Variants in PTH2R observed in about 807,000 individuals in gnomAD.
PTH2R encodes PTH2 receptor.
PTH2R carries 59 observed loss-of-function variants against 60.3 expected under a neutral mutation model. The ratio of observed to expected loss-of-function variants is 0.98; its 90% confidence interval spans 0.79 to 1.22. PTH2R has a LOEUF of 1.22. PTH2R is among the 50% of genes most tolerant of loss of function. The probability of loss-of-function intolerance (pLI) is 0.00; values close to 1 mark genes in which losing one functional copy is unlikely to be tolerated. For missense variants in PTH2R, 749 were observed against 682.6 expected, an observed-to-expected ratio of 1.10 and a Z score of -1.08; for synonymous variants, 256 against 243.8, an observed-to-expected ratio of 1.05 and a Z score of -0.47.
At chr2:208,462,762 C>T (rs1197495623) in intron 9 of PTH2R, among the ~76,000 whole-genome samples, 1 of 152,152 alleles carries the variant, frequency 6.6e-6, no homozygotes, top group African/African-American at 2.4e-5. Flanking sequence ...GAAATTTATT[C>T]ATCACAGGTT....
intron 1 of PTH2R, among the ~76,000 whole-genome samples, chr2:208,379,751 T>G (rs539344404): frequency 6.6e-6 from 1 of 151,756 alleles, no homozygotes; most frequent in Admixed American, 6.6e-5. Context: ...TCCCAGCTAC[T>G]TGGGAGGCTG....
At chr2:208,379,251 AG>A (rs1342701567) in intron 1 of PTH2R, among the ~76,000 whole-genome samples, 2 of 152,130 alleles carry the variant, frequency 1.3e-5, no homozygotes, top group Non-Finnish European at 2.9e-5. Context: ...TAAAGTTAGC[AG>A]GTAATGTTCT....
In PTH2R at chr2:208,473,976, T is replaced by G. The variant is rs144560412; in HGVS notation, c.982-7094T>G. On this transcript the variant is annotated intron_variant, in intron 9 of 12. Coordinates refer to ENST00000272847, the MANE Select transcript of PTH2R (RefSeq NM_005048.4). ...TGTTGAGTCTTACTAACTTTACTAG[T>G]CTACAAGCAGTCAAACTCATATCCA... 9.2e-5 allele frequency among the ~76,000 whole-genome samples: 14 copies of G among 152,214 alleles called. No homozygotes were observed. The East Asian group carries it at 2.1e-3, about 23-fold the overall frequency.
At chr2:208,388,396 T>C (rs1458114415) in intron 1 of PTH2R, among the ~76,000 whole-genome samples, 1 of 152,128 alleles carries the variant, frequency 6.6e-6, no homozygotes, top group Non-Finnish European at 1.5e-5. Context: ...ATTACACAGA[T>C]ACTTCCAAAA....
rs1055639925 is a variant in PTH2R, at chr2:208,494,149, T to C, written c.*490T>C. 1 of 152,356 alleles carries C rather than the reference T, an allele frequency of 6.6e-6. No individual in the cohort carries two copies. Among genetic ancestry groups the C allele is most frequent in the Non-Finnish European group, 1.5e-5 (1 of 68,134 alleles). The allele number at this position is 152,356 out of a possible 1,614,324, so 9.4% of individuals were successfully genotyped here. On this transcript the variant is annotated 3_prime_UTR_variant, in exon 13 of 13. Coordinates refer to ENST00000272847, the MANE Select transcript of PTH2R (RefSeq NM_005048.4). ...AAAATATATGGGAAGATAAAAGATC[T>C]AAGAACAAGTACTTGCTGGAAAATT...
chr2:208,481,123 G>A lies in PTH2R; in HGVS notation c.1035G>A (p.Trp345Ter), dbSNP rs776441349. 14 of 1,612,052 alleles carry A rather than the reference G, an allele frequency of 8.7e-6. No homozygotes were observed. Among genetic ancestry groups the A allele is most frequent in the African/African-American group, 2.7e-5 (2 of 74,810 alleles). ...NTVRVLATKI[W>*]ETNAVGHDTR... ...TTAGAGTTCTAGCTACCAAAATCTG[G>A]GAGACCAATGCAGTTGGGCATGACA... The change falls in exon 10 of 13, where the codon TGG (tryptophan) becomes TGA (stop). Residue 345 changes from tryptophan to a stop codon, truncating the protein, a stop_gained. Transcript: ENST00000272847. LOFTEE classifies it high-confidence loss of function.
chr2:208,389,227 TACACACACACACACACACACACACAC>T (rs71041306), intron 1 of PTH2R, among the ~76,000 whole-genome samples: 23 of 142,550 alleles, frequency 1.6e-4, no homozygotes, highest in Non-Finnish European at 2.9e-4. Context: ...AGGAAATGCA[TACACACACACACACACACACACACAC>T]ACACACACAC....
At chr2:208,421,889 A>G (rs1701764323) in intron 1 of PTH2R, among the ~76,000 whole-genome samples, 1 of 152,240 alleles carries the variant, frequency 6.6e-6, no homozygotes, top group Admixed American at 6.5e-5. Flanking sequence ...GTTTTCTCTC[A>G]GACTACGGAA....
chr2:208,379,329 C>T (rs989516996), intron 1 of PTH2R, among the ~76,000 whole-genome samples: 2 of 151,996 alleles, frequency 1.3e-5, no homozygotes, highest in East Asian at 3.9e-4. Flanking sequence ...CAGAATTGAG[C>T]GTCAGAGTGT....
Position 208,377,591 on chromosome 2 carries a change from GC to G in PTH2R, c.-259+17355del, listed in dbSNP as rs1229260732. On this transcript the variant is annotated intron_variant, in intron 1 of 12. Coordinates refer to the PTH2R transcript ENST00000617735. ...GGACGGGGCGGCTGGCCGGGCGGGG[GC>G]TGACCCCCCACCTGCCTCCGGGACA... 4.0e-5 allele frequency among the ~76,000 whole-genome samples: 6 copies of G among 151,088 alleles called. 1 individual carries two copies. The highest frequency in any genetic ancestry group is 1.5e-4 in the African/African-American group (6 of 40,826).
At position 208,493,596 on chromosome 2, in the gene PTH2R, C is replaced by T; in HGVS notation, c.1590C>T (p.Ser530=). 6.2e-7 allele frequency: 1 copy of T among 1,607,222 alleles called. No individual in the cohort carries two copies. The highest frequency in any genetic ancestry group is 8.5e-7 in the Non-Finnish European group (1 of 1,176,234). The change falls in exon 13 of 13, where the codon TCC becomes TCT. Residue 530 remains serine (S), a synonymous_variant. Transcript: ENST00000272847. ...QGDDILMEKP[S]RPMESNPDTE... ...ATGATATTCTAATGGAGAAGCCTTC[C>T]AGGCCTATGGAATCTAACCCAGACA...
chr2:208,490,695 A>G lies in PTH2R; in HGVS notation c.1257+15A>G, dbSNP rs1267019984. Reference sequence around the variant, plus strand: ...GCAATGGAGAGGTAGGTTTGTAGGAACCTTGGACAGGTCTCGCTTCAGCTT... The same window carrying G: ...GCAATGGAGAGGTAGGTTTGTAGGAGCCTTGGACAGGTCTCGCTTCAGCTT... On this transcript the variant is annotated intron_variant, in intron 12 of 12. Transcript: ENST00000272847. 13 of 1,602,752 alleles carry G rather than the reference A, an allele frequency of 8.1e-6. No homozygotes were observed. The highest frequency in any genetic ancestry group is 1.3e-5 in the African/African-American group (1 of 74,452).
chr2:208,471,865 A>C, intron 9 of PTH2R, among the ~76,000 whole-genome samples: 1 of 152,244 alleles, frequency 6.6e-6, no homozygotes, highest in Non-Finnish European at 1.5e-5. Context: ...ATACCCTGCA[A>C]AGCCAAAAGG....
chr2:208,428,691 A>G (rs368292379), intron 2 of PTH2R, among the ~76,000 whole-genome samples: 1 of 152,192 alleles, frequency 6.6e-6, no homozygotes, highest in African/African-American at 2.4e-5. Context: ...GCAGTTCAAA[A>G]TCTACTTCAT....
rs79819066 is a variant in PTH2R at position 208,413,014 on chromosome 2, T to C, written c.75+5896T>C. 3.4e-3 allele frequency among the ~76,000 whole-genome samples: 511 copies of C among 152,218 alleles called. 3 individuals carry two copies. Among genetic ancestry groups the C allele is most frequent in the African/African-American group, 0.012 (495 of 41,542 alleles). On this transcript the variant is annotated intron_variant, in intron 1 of 12. Coordinates refer to ENST00000272847, the MANE Select transcript of PTH2R (RefSeq NM_005048.4). ...TCATTCTCTTTCTCTCTCACTACTG[T>C]CCCATCTCCTCTCAATCCCACTCAG...
chr2:208,409,610 G>A (rs536915586), intron 1 of PTH2R, among the ~76,000 whole-genome samples: 2 of 152,228 alleles, frequency 1.3e-5, no homozygotes, highest in South Asian at 2.1e-4. Flanking sequence ...ATGAGCTTGT[G>A]TAGAGTAAAT....
intron 1 of PTH2R, among the ~76,000 whole-genome samples, chr2:208,399,622 C>G (rs1701271401): frequency 6.6e-6 from 1 of 152,094 alleles, no homozygotes; most frequent in Admixed American, 6.5e-5. Flanking sequence ...GAATTAAGTG[C>G]ATCTGTGTGA....
At chr2:208,467,712 C>G (rs146067521) in intron 9 of PTH2R, among the ~76,000 whole-genome samples, 1 of 151,962 alleles carries the variant, frequency 6.6e-6, no homozygotes, top group Non-Finnish European at 1.5e-5. Context: ...AGAAGTTAAG[C>G]TTCTATCCTA....
At chr2:208,390,337 A>C (rs1372137261) in intron 1 of PTH2R, among the ~76,000 whole-genome samples, 1 of 152,170 alleles carries the variant, frequency 6.6e-6, no homozygotes, top group Admixed American at 6.6e-5. Context: ...CACCCAGTTG[A>C]AAGTGCTCCC....
Sources: allele counts gnomAD v4.1 joint callset (sites outside exome capture counted in the v4.1 genomes callset), GRCh38; gene constraint gnomAD v4.1.1; transcripts MANE v1.5; gene names NCBI Gene and HGNC (gene_info 2026-07-23, HGNC 2026-07-21).